TAFA4: variants seen among roughly 807,000 people sequenced by gnomAD.
The protein encoded by TAFA4 is chemokine-like protein TAFA-4.
Under a neutral mutation model 21.1 loss-of-function variants are expected in TAFA4, and 20 were observed. The ratio of observed to expected loss-of-function variants is 0.95; its 90% CI spans 0.67 to 1.38. The LOEUF is 1.38. Among genes scored for constraint, TAFA4 ranks in the 40% most tolerant of loss-of-function variants. The pLI is 0.00. For missense variants in TAFA4, 211 were observed against 180.9 expected (o/e 1.17, Z -0.95); for synonymous variants, 71 against 67.4 (o/e 1.05, Z -0.26).
chr3:68,805,006 G>A (rs1703661766), intron 3 of TAFA4, among the ~76,000 whole-genome samples: 1 of 152,150 alleles, frequency 6.6e-6, no homozygotes, highest in African/African-American at 2.4e-5. Flanking sequence ...TACTATCAGG[G>A]TGAACAGGCA....
chr3:68,779,010 TA>T (rs1374847545), intron 3 of TAFA4, among the ~76,000 whole-genome samples: 1 of 152,204 alleles, frequency 6.6e-6, no homozygotes, highest in East Asian at 1.9e-4. Context: ...CTGATAGCGA[TA>T]AGGACAATAA....
At chr3:68,805,119 C>T (rs1218649440) in intron 3 of TAFA4, among the ~76,000 whole-genome samples, 1 of 152,106 alleles carries the variant, frequency 6.6e-6, no homozygotes, top group Non-Finnish European at 1.5e-5. Flanking sequence ...AAAAAACAAA[C>T]AACCCCATCA....
Position 68,739,111 on chromosome 3 carries a change from C to T in TAFA4, c.375G>A (p.Trp125Ter), listed in dbSNP as rs201093950. ...TGACTTTATTGCCACTGCTACAGGA[C>T]CAACCTGAGTAATCTGGCAGCACTT... ...DCKVLPDYSG[W>*]SCSSGNKVKT... The change falls in exon 5 of 6, where the codon TGG (tryptophan) becomes TGA (stop). Residue 125 changes from tryptophan to a stop codon, truncating the protein, a stop_gained. Transcript: ENST00000295569. LOFTEE classifies it high-confidence loss of function. 1.2e-6 allele frequency: 2 copies of T among 1,613,858 alleles called. No homozygotes were observed. Among genetic ancestry groups the T allele is most frequent in the African/African-American group, 2.7e-5 (2 of 74,920 alleles).
intron 3 of TAFA4, 56 bp from the exon 4 acceptor site, chr3:68,753,074 C>T (rs143159144): frequency 1.3e-6 from 2 of 1,534,596 alleles, no homozygotes; most frequent in African/African-American, 1.4e-5. Context: ...GAAATGACAC[C>T]ACCAAAACCA....
At chr3:68,733,577 G>A (rs1470042239) in intron 5 of TAFA4, among the ~76,000 whole-genome samples, 1 of 152,064 alleles carries the variant, frequency 6.6e-6, no homozygotes, top group East Asian at 1.9e-4. Context: ...TTTCACTTTT[G>A]AAAATAGGTT....
intron 3 of TAFA4, among the ~76,000 whole-genome samples, chr3:68,788,556 T>G (rs1602196): frequency 6.6e-6 from 1 of 152,230 alleles, no homozygotes; most frequent in African/African-American, 2.4e-5. Context: ...ACCAACATCA[T>G]TGAGCTTTTC....
At chr3:68,738,627 G>C (rs1189524450) in intron 5 of TAFA4, among the ~76,000 whole-genome samples, 6 of 152,222 alleles carry the variant, frequency 3.9e-5, no homozygotes, top group Admixed American at 1.3e-4. Context: ...GCAACAGTGA[G>C]AATTGAAAAG....
At chr3:68,857,967 G>A (rs9846010) in intron 3 of TAFA4, among the ~76,000 whole-genome samples, 41,419 of 151,990 alleles carry the variant, frequency 0.27, 6,565 homozygotes, top group Non-Finnish European at 0.37. Flanking sequence ...CCATCATTCA[G>A]TAATTTAAAT....
intron 3 of TAFA4, among the ~76,000 whole-genome samples, chr3:68,840,166 G>A (rs1346174845): frequency 4.6e-5 from 7 of 152,164 alleles, no homozygotes; most frequent in Admixed American, 2.6e-4. Context: ...TCCCTGGACA[G>A]AAATCAAGGT....
chr3:68,843,699 C>G (rs1704722253), intron 3 of TAFA4, among the ~76,000 whole-genome samples: 1 of 152,236 alleles, frequency 6.6e-6, no homozygotes, highest in Non-Finnish European at 1.5e-5. Context: ...CCACCAATAC[C>G]TAGTTTACTG....
chr3:68,846,738 T>A lies in TAFA4; in HGVS notation c.130+33992A>T, dbSNP rs530924169. On this transcript the variant is annotated intron_variant, in intron 3 of 5. Coordinates refer to ENST00000295569, the MANE Select transcript of TAFA4 (RefSeq NM_182522.5). ...TCCTTTTTGTTGATGTTGATGCTAT[T>A]GCTTTGTTTGCTAGTTTTCCTTCTA... Among the ~76,000 whole-genome samples, 16 of 152,318 alleles carry A rather than the reference T, an allele frequency of 1.1e-4. 2 individuals are homozygous for A. The South Asian group carries it at 2.7e-3, about 26-fold the overall frequency.
intron 1 of TAFA4, among the ~76,000 whole-genome samples, chr3:68,904,749 G>C (rs1302756681): frequency 1.3e-5 from 2 of 152,156 alleles, no homozygotes; most frequent in African/African-American, 4.8e-5. Flanking sequence ...AGGAGGTGAG[G>C]CCATTTATTT....
At chr3:68,850,709 C>A (rs987417769) in intron 3 of TAFA4, among the ~76,000 whole-genome samples, 2 of 147,546 alleles carry the variant, frequency 1.4e-5, no homozygotes, top group South Asian at 2.2e-4. Flanking sequence ...GTGTTCGTGT[C>A]CTTTGCCCAT....
At chr3:68,810,854 G>A (rs924471914) in intron 3 of TAFA4, among the ~76,000 whole-genome samples, 4 of 152,186 alleles carry the variant, frequency 2.6e-5, no homozygotes, top group African/African-American at 7.2e-5. Flanking sequence ...CTGGATATCT[G>A]AGAACGGACA....
At chr3:68,858,564 C>T (rs1705124659) in intron 3 of TAFA4, among the ~76,000 whole-genome samples, 1 of 144,442 alleles carries the variant, frequency 6.9e-6, no homozygotes, top group Non-Finnish European at 1.5e-5. Context: ...GTACTAGGTA[C>T]TATTCCAAGT....
chr3:68,898,818 T>C (rs1331032386), intron 1 of TAFA4, among the ~76,000 whole-genome samples: 1 of 152,208 alleles, frequency 6.6e-6, no homozygotes, highest in East Asian at 1.9e-4. Context: ...ACCCGTTTAC[T>C]TACCCAAGTA....
intron 3 of TAFA4, among the ~76,000 whole-genome samples, chr3:68,805,973 T>A (rs116614800): frequency 0.089 from 13,445 of 151,684 alleles, 740 homozygotes; most frequent in African/African-American, 0.15. Flanking sequence ...AAATTTTTTT[T>A]AAAAAGTACA....
At chr3:68,928,228 A>C (rs1430032493) in intron 1 of TAFA4, among the ~76,000 whole-genome samples, 1 of 152,252 alleles carries the variant, frequency 6.6e-6, no homozygotes, top group Non-Finnish European at 1.5e-5. Flanking sequence ...CCATATAAAG[A>C]AAGCCATCTA....
intron 3 of TAFA4, among the ~76,000 whole-genome samples, chr3:68,753,330 TAG>T (rs1474761194): frequency 6.1e-4 from 79 of 129,006 alleles, no homozygotes; most frequent in African/African-American, 2.3e-3. Context: ...CTGAGATTGA[TAG>T]AGTTTTTTTT....
Sources: gnomAD v4.1 joint callset for allele counts (sites outside exome capture counted in the v4.1 genomes callset) on GRCh38, gnomAD v4.1.1 for gene constraint, MANE v1.5 for transcripts, NCBI Gene and HGNC (gene_info 2026-07-23, HGNC 2026-07-21) for gene names.